Variants in DPH7 observed in about 807,000 individuals in gnomAD.
DPH7 encodes diphthine methyltransferase.
In DPH7, 44 loss-of-function variants were observed where a neutral mutation model predicts 41.7. That is an observed-to-expected ratio of 1.05 (90% CI 0.83 to 1.36). The LOEUF (loss-of-function observed/expected upper bound fraction) is 1.36, where lower values mean the gene tolerates loss of function less well. Ranked by LOEUF, DPH7 falls within the 40% of genes most tolerant of loss-of-function variation. The probability of loss-of-function intolerance (pLI) is 0.00; values close to 1 mark genes in which losing one functional copy is unlikely to be tolerated. For missense variants in DPH7, 629 were observed against 577.5 expected, an observed-to-expected ratio of 1.09 and a Z score of -0.91; for synonymous variants, 275 against 238.0, an observed-to-expected ratio of 1.16 and a Z score of -1.43.
chr9:137,564,293 C>G, intron 8 of DPH7, 141 bp downstream of exon 8: 2 of 1,051,380 alleles, frequency 1.9e-6, no homozygotes, highest in Non-Finnish European at 2.7e-6. Flanking sequence ...GTCTAGGGCG[C>G]GACGCTGGGA....
At chr9:137,575,408 G>C in intron 3 of DPH7, 3 of 988,118 alleles carry the variant, frequency 3.0e-6, no homozygotes, top group East Asian at 1.1e-4. Flanking sequence ...CCCTTTCCTG[G>C]GTTCATGCAC....
At position 137,574,854 on chromosome 9, in the gene DPH7, A is replaced by G; in HGVS notation, c.376-11T>C. The G allele has an allele frequency of 1.2e-6, 2 of 1,613,398 alleles. No homozygotes were observed. The highest frequency in any genetic ancestry group is 1.7e-6 in the Non-Finnish European group (2 of 1,179,842). The stretch of plus-strand genomic sequence containing the variant: ...CAGCACGTGGCTCTTCTACTGGAGA[A>G]GAAGAAACTCCATCAAAGGGAAGTA... On this transcript the variant is annotated splice_polypyrimidine_tract_variant and intron_variant, in intron 3 of 8. Transcript: ENST00000277540.
At position 137,564,045 on chromosome 9, in the gene DPH7, A is replaced by G. The variant is rs540406153; in HGVS notation, c.949+389T>C. 2.6e-5 allele frequency among the ~76,000 whole-genome samples: 4 copies of G among 152,310 alleles called. No homozygotes were observed. The South Asian group carries it at 6.2e-4, about 24-fold the overall frequency. On this transcript the variant is annotated intron_variant, in intron 8 of 8. Transcript: ENST00000277540. ...GATGAAGGGAATGGAGTGTGAGCTCACAGGGGGCAGCAGACCACAGAGTCC... is the reference window on the plus strand; with the variant it reads ...GATGAAGGGAATGGAGTGTGAGCTCGCAGGGGGCAGCAGACCACAGAGTCC...
Position 137,577,552 on chromosome 9 carries a change from AC to A in DPH7, c.204del (p.Tyr69ThrfsTer26), listed in dbSNP as rs749446547. ...ATAGAGTTGTTGTCATTGAAACTGT[AC>A]AGGAAGAGACGGCCTAAACGGACCT... ...EPQVRLGRLF[L>X]YSFNDNNSIH... On this transcript the variant is annotated frameshift_variant, in exon 2 of 9. Transcript: ENST00000277540. LOFTEE classifies it high-confidence loss of function. 3 of 1,613,936 alleles carry A rather than the reference AC, an allele frequency of 1.9e-6. No individual in the cohort carries two copies. The highest frequency in any genetic ancestry group is 1.7e-6 in the Non-Finnish European group (2 of 1,180,002).
intron 8 of DPH7, among the ~76,000 whole-genome samples, chr9:137,561,992 G>C (rs1449515661): frequency 6.6e-6 from 1 of 152,112 alleles, no homozygotes; most frequent in Non-Finnish European, 1.5e-5. Flanking sequence ...AGCCTCCCAA[G>C]TAGCTGGGAC....
intron 1 of DPH7, chr9:137,578,065 G>C: frequency 1.1e-6 from 1 of 890,372 alleles, no homozygotes. Context: ...TGCCTGTGGT[G>C]CCAGCTACTC....
intron 1 of DPH7, among the ~76,000 whole-genome samples, chr9:137,578,286 T>G (rs1007360269): frequency 6.6e-6 from 1 of 152,230 alleles, no homozygotes; most frequent in Admixed American, 6.5e-5. Context: ...TGCCTCAGCC[T>G]CCCGAGTGGC....
chr9:137,564,334 G>A, intron 8 of DPH7, 100 bp downstream of exon 8: 1 of 1,414,600 alleles, frequency 7.1e-7, no homozygotes, highest in Non-Finnish European at 9.5e-7. Flanking sequence ...GAGCCCAGCA[G>A]AGCAAGGGAG....
chr9:137,564,335 A>C, intron 8 of DPH7, 99 bp downstream of exon 8: 2 of 1,416,668 alleles, frequency 1.4e-6, no homozygotes, highest in Non-Finnish European at 1.9e-6. Flanking sequence ...AGCCCAGCAG[A>C]GCAAGGGAGC....
intron 2 of DPH7, 106 bp downstream of exon 2, chr9:137,577,364 C>A: frequency 8.4e-7 from 1 of 1,192,502 alleles, no homozygotes; most frequent in Non-Finnish European, 1.2e-6. Flanking sequence ...GAAACAAATC[C>A]AAAGTTGAGA....
chr9:137,554,949 A>G lies in DPH7; in HGVS notation c.*290T>C. ...AATACAAATAGTTGCTTAAACAAGT[A>G]TGAAAGGCTGAAAGTCAAAATCTGC... On this transcript the variant is annotated 3_prime_UTR_variant, in exon 9 of 9. Coordinates refer to ENST00000277540, the MANE Select transcript of DPH7 (RefSeq NM_138778.5). The G allele has an allele frequency of 2.8e-6, 1 of 359,256 alleles. No homozygotes were observed. Among genetic ancestry groups the G allele is most frequent in the Non-Finnish European group, 5.0e-6 (1 of 201,022 alleles). The allele number at this position is 359,256 out of a possible 1,614,324, so 22.3% of individuals were successfully genotyped here. A position where few individuals can be genotyped will look rare whatever the true frequency, so the allele number is the denominator to read the frequency against.
intron 8 of DPH7, among the ~76,000 whole-genome samples, chr9:137,558,568 G>A (rs956778916): frequency 5.9e-5 from 9 of 152,048 alleles, no homozygotes; most frequent in South Asian, 2.1e-4. Context: ...TAAAGAAGCC[G>A]GATATAAAAA....
At position 137,555,131 on chromosome 9, in the gene DPH7, C is replaced by G. The variant is rs551986715; in HGVS notation, c.*108G>C. 2 of 1,376,678 alleles carry G rather than the reference C, an allele frequency of 1.5e-6. No individual in the cohort carries two copies. The highest frequency in any genetic ancestry group is 1.9e-6 in the Non-Finnish European group (2 of 1,030,086). The allele number at this position is 1,376,678 out of a possible 1,614,324, so 85.3% of individuals were successfully genotyped here. A position where few individuals can be genotyped will look rare whatever the true frequency, so the allele number is the denominator to read the frequency against. ...CTACACTGTGGATTCCATCAGTGCA[C>G]AGGCACCTGCAGGGCTGCAGTAAGC... On this transcript the variant is annotated 3_prime_UTR_variant, in exon 9 of 9. Transcript: ENST00000277540.
At chr9:137,577,104 T>C (rs1239488448) in intron 2 of DPH7, among the ~76,000 whole-genome samples, 1 of 151,452 alleles carries the variant, frequency 6.6e-6, no homozygotes, top group Non-Finnish European at 1.5e-5. Flanking sequence ...GTATAGGGCA[T>C]CTCCATTACG....
In DPH7 at chr9:137,554,486, A is replaced by C. The variant is rs1837139049; in HGVS notation, c.*753T>G. 6.6e-6 allele frequency among the ~76,000 whole-genome samples: 1 copy of C among 152,192 alleles called. No homozygotes were observed. The highest frequency in any genetic ancestry group is 1.5e-5 in the Non-Finnish European group (1 of 68,030). The stretch of plus-strand genomic sequence containing the variant: ...TTTTATTATTTAATTTTTAGAGATA[A>C]GAGTCTTGCTCTGTTGCCCCTGGCT... On this transcript the variant is annotated 3_prime_UTR_variant, in exon 9 of 9. Coordinates refer to ENST00000277540, the MANE Select transcript of DPH7 (RefSeq NM_138778.5).
chr9:137,557,488 G>A (rs1269141339), intron 8 of DPH7, among the ~76,000 whole-genome samples: 3 of 151,796 alleles, frequency 2.0e-5, no homozygotes, highest in African/African-American at 7.3e-5. Flanking sequence ...CTGGGTGAAA[G>A]AGCAAGACTC....
At position 137,574,365 on chromosome 9, in the gene DPH7, G is replaced by A. The variant is rs754503628; in HGVS notation, c.483C>T (p.Pro161=). ...TGGAGTCACTGCTGATGATCTTCAA[G>A]GGCTGGTCCCCGGCCCTAGACACAG... The part of the protein sequence containing the change: ...TGKTGRAGDQ[P]LKIISSDSTG... Residue 161 remains proline, a synonymous_variant, in exon 5 of 9, where the codon CCC becomes CCT. Coordinates refer to ENST00000277540, the MANE Select transcript of DPH7 (RefSeq NM_138778.5). 6.2e-7 allele frequency: 1 copy of A among 1,613,952 alleles called. No homozygotes were observed. Among genetic ancestry groups the A allele is most frequent in the African/African-American group, 1.3e-5 (1 of 74,922 alleles).
Position 137,554,544 on chromosome 9 carries a change from C to T in DPH7, c.*695G>A, listed in dbSNP as rs549337051. Among the ~76,000 whole-genome samples, 15 of 152,292 alleles carry T rather than the reference C, an allele frequency of 9.8e-5. No homozygotes were observed. In the South Asian group the frequency reaches 3.1e-3, roughly 32 times the overall value. On this transcript the variant is annotated 3_prime_UTR_variant, in exon 9 of 9. Transcript: ENST00000277540. ...GCCTCGACCTCCTGGGCTCAACAATCCTCCTGCCTCAGCCTCCCAAGTGGC... is the reference window on the plus strand; with the variant it reads ...GCCTCGACCTCCTGGGCTCAACAATTCTCCTGCCTCAGCCTCCCAAGTGGC...
intron 7 of DPH7, 136 bp downstream of exon 7, chr9:137,564,757 T>C (rs938139982): frequency 3.5e-6 from 5 of 1,418,896 alleles, no homozygotes; most frequent in Middle Eastern, 2.2e-4. Context: ...ATACCTACAC[T>C]CCGGCGAAGC....
Sources: allele counts gnomAD v4.1 joint callset (sites outside exome capture counted in the v4.1 genomes callset), GRCh38; gene constraint gnomAD v4.1.1; transcripts MANE v1.5; gene names NCBI Gene and HGNC (gene_info 2026-07-23, HGNC 2026-07-21).